WNT9B: variants seen among roughly 807,000 people sequenced by gnomAD.
WNT9B encodes Wnt family member 9B, also known as protein Wnt-9b.
In WNT9B, 12 loss-of-function variants were observed where a neutral mutation model predicts 30.2. The ratio of observed to expected loss-of-function variants is 0.40; its 90% CI spans 0.26 to 0.64. The LOEUF is 0.64. Ranked by LOEUF, WNT9B falls within the 30% of genes least tolerant of loss-of-function variation. The probability of loss-of-function intolerance (pLI) is 0.42; values close to 1 mark genes in which losing one functional copy is unlikely to be tolerated. For missense variants in WNT9B, 442 were observed against 485.2 expected (o/e 0.91, Z 0.84); for synonymous variants, 218 against 216.9 (o/e 1.01, Z -0.05).
At chr17:46,838,500 G>A (rs2084660211) in intron 1 of WNT9B, among the ~76,000 whole-genome samples, 1 of 151,796 alleles carries the variant, frequency 6.6e-6, no homozygotes, top group Non-Finnish European at 1.5e-5. Flanking sequence ...GGTGGTATTC[G>A]CCCATAATCC....
upstream of WNT9B, among the ~76,000 whole-genome samples, chr17:46,848,256 AG>A (rs373683001): frequency 4.6e-5 from 7 of 152,296 alleles, no homozygotes; most frequent in African/African-American, 1.7e-4. Flanking sequence ...CCCGTGTCCG[AG>A]CCCAGGAAGG....
At chr17:46,857,240 G>T (rs372216298) in intron 1 of WNT9B, among the ~76,000 whole-genome samples, 2 of 151,986 alleles carry the variant, frequency 1.3e-5, no homozygotes, top group Non-Finnish European at 2.9e-5. Flanking sequence ...AGGCCGAGAC[G>T]GGCAGATCAC....
chr17:46,851,304 C>T (rs576383080), upstream of WNT9B, among the ~76,000 whole-genome samples: 109 of 152,170 alleles, frequency 7.2e-4, no homozygotes, highest in African/African-American at 2.5e-3. This position sits in a 1 kb window ranked among gnomAD's most constrained non-coding sequence, Gnocchi z 4.3. Context: ...CTCCCCGCCT[C>T]TCCAGGCCCG....
At chr17:46,868,111 G>A (rs900448389) in intron 1 of WNT9B, among the ~76,000 whole-genome samples, 7 of 152,172 alleles carry the variant, frequency 4.6e-5, no homozygotes, top group Non-Finnish European at 1.0e-4. Context: ...CAAAGCAGGT[G>A]CAGCCTGATA....
At chr17:46,835,267 A>T (rs2084613879) in intron 1 of WNT9B, among the ~76,000 whole-genome samples, 1 of 152,038 alleles carries the variant, frequency 6.6e-6, no homozygotes, top group Non-Finnish European at 1.5e-5. Context: ...GTTTGAGTGC[A>T]GTGGCACAAT....
intron 1 of WNT9B, among the ~76,000 whole-genome samples, chr17:46,858,465 TTTTTATTTTATTTTA>T (rs149880516): frequency 1.4e-3 from 217 of 151,292 alleles, no homozygotes; most frequent in Non-Finnish European, 2.6e-3. Flanking sequence ...CGTTTTCTCC[TTTTTATTTTATTTTA>T]TTTTATTTTA....
At chr17:46,857,843 T>C (rs548595006) in intron 1 of WNT9B, among the ~76,000 whole-genome samples, 2 of 152,364 alleles carry the variant, frequency 1.3e-5, no homozygotes, top group Admixed American at 6.5e-5. Context: ...CATTTTCCCA[T>C]GTGTATATTG....
chr17:46,865,998 G>A (rs2085127421), intron 1 of WNT9B, among the ~76,000 whole-genome samples: 1 of 152,176 alleles, frequency 6.6e-6, no homozygotes, highest in South Asian at 2.1e-4. Context: ...GAAAAGAGGG[G>A]GTGGAGAGAG....
At chr17:46,870,583 G>T (rs2085224189) in intron 1 of WNT9B, among the ~76,000 whole-genome samples, 1 of 152,020 alleles carries the variant, frequency 6.6e-6, no homozygotes, top group African/African-American at 2.4e-5. Context: ...TATGCTCCAT[G>T]ATGGGTTGAC....
Position 46,851,988 on chromosome 17 carries a change from G to C in WNT9B, c.77+273G>C, listed in dbSNP as rs1306482697. 6.6e-6 allele frequency among the ~76,000 whole-genome samples: 1 copy of C among 152,128 alleles called. No individual in the cohort carries two copies. The highest frequency in any genetic ancestry group is 6.5e-5 in the Admixed American group (1 of 15,280). ...CGCTCTCCTCATCCCGCCGGGTCTC[G>C]GACTCTGCGCACGCCTCGGACCCTG... On this transcript the variant is annotated intron_variant, in intron 1 of 3. Transcript: ENST00000290015. This position sits in a 1 kb window ranked among gnomAD's most constrained non-coding sequence, Gnocchi z 4.3.
At chr17:46,852,979 T>C (rs4968279) in intron 1 of WNT9B, among the ~76,000 whole-genome samples, 29,847 of 152,056 alleles carry the variant, frequency 0.2, 3,598 homozygotes, top group East Asian at 0.5. Context: ...TTGCTAATGA[T>C]ATGGGAAGAC....
chr17:46,845,640 G>A (rs1441794218), intron 1 of WNT9B, among the ~76,000 whole-genome samples: 1 of 151,240 alleles, frequency 6.6e-6, no homozygotes, highest in Non-Finnish European at 1.5e-5. Flanking sequence ...ACAGGTGCCC[G>A]CCACCACACC....
At chr17:46,839,940 C>CTTT (rs1011892086) in intron 1 of WNT9B, among the ~76,000 whole-genome samples, 1 of 148,120 alleles carries the variant, frequency 6.8e-6, no homozygotes, top group Non-Finnish European at 1.5e-5. Context: ...TTCTTTCTTT[C>CTTT]TTTCTTTCTT....
chr17:46,841,812 C>T (rs1018816375), intron 1 of WNT9B, among the ~76,000 whole-genome samples: 1 of 152,252 alleles, frequency 6.6e-6, no homozygotes, highest in African/African-American at 2.4e-5. Context: ...GCAACCACGT[C>T]CTCCTCTGAG....
Position 46,862,112 on chromosome 17 carries a change from G to A in WNT9B, c.77+10397G>A, listed in dbSNP as rs1292869666. 1.3e-4 allele frequency among the ~76,000 whole-genome samples: 20 copies of A among 148,488 alleles called. 1 individual carries two copies. Among genetic ancestry groups the A allele is most frequent in the African/African-American group, 4.7e-4 (19 of 40,198 alleles). On this transcript the variant is annotated intron_variant, in intron 1 of 3. Coordinates refer to ENST00000290015, the MANE Select transcript of WNT9B (RefSeq NM_003396.3). ...TGGGAGGCGGAGTTTGCAGTGAGCC[G>A]AGATTGTGCCATTGCACTGAAGCCT...
intron 1 of WNT9B, among the ~76,000 whole-genome samples, chr17:46,852,389 AGTGTGTGTGTGTGTGTGT>A (rs61138160): frequency 8.9e-4 from 94 of 105,378 alleles, no homozygotes; most frequent in African/African-American, 1.7e-3. Context: ...GAGAGGGCCC[AGTGTGTGTGTGTGTGTGT>A]GTGTGTGTGT....
chr17:46,844,251 C>A (rs2084747615), intron 1 of WNT9B, among the ~76,000 whole-genome samples: 1 of 151,790 alleles, frequency 6.6e-6, no homozygotes, highest in Non-Finnish European at 1.5e-5. Flanking sequence ...GCCACTGTAT[C>A]CAGCCTATAC....
upstream of WNT9B, among the ~76,000 whole-genome samples, chr17:46,851,359 C>T (rs2084840364): frequency 6.6e-6 from 1 of 151,546 alleles, no homozygotes; most frequent in Admixed American, 6.6e-5. The surrounding 1 kb of genome is among the most constrained non-coding windows in gnomAD (Gnocchi z 4.3). Flanking sequence ...GGGCGCGGCG[C>T]CAGGTGAGCG....
rs1281851299 is a variant in WNT9B at position 46,880,140 on chromosome 17, G to A, written c.*3422G>A. ...AGTGAGGGAGTCTAATGGACAGGATGCCCCAAGTGCCCCCGTTGCTCATGG... is the reference window on the plus strand; with the variant it reads ...AGTGAGGGAGTCTAATGGACAGGATACCCCAAGTGCCCCCGTTGCTCATGG... On this transcript the variant is annotated 3_prime_UTR_variant, in exon 4 of 4. Transcript: ENST00000290015. 1.2e-4 allele frequency among the ~76,000 whole-genome samples: 19 copies of A among 152,162 alleles called. No homozygotes were observed.
Sources: allele counts gnomAD v4.1 joint callset (sites outside exome capture counted in the v4.1 genomes callset), GRCh38; gene constraint gnomAD v4.1.1; non-coding constraint Gnocchi (gnomAD v3.1); transcripts MANE v1.5; gene names NCBI Gene and HGNC (gene_info 2026-07-23, HGNC 2026-07-21).